Variants in IQCH observed in about 807,000 individuals in gnomAD.
The protein encoded by IQCH is IQ domain-containing protein H.
A neutral mutation model predicts 117.0 loss-of-function variants in IQCH; 98 were observed. The ratio of observed to expected loss-of-function variants is 0.84; its 90% CI spans 0.71 to 0.99. IQCH has a LOEUF of 0.99. Among genes scored for constraint, IQCH ranks in the 50% least tolerant of loss-of-function variants. IQCH has a pLI of 0.00. For missense variants in IQCH, 1,102 were observed against 1,243.8 expected (o/e 0.89, Z 1.72); for synonymous variants, 412 against 448.2 (o/e 0.92, Z 1.02).
At position 67,489,824 on chromosome 15, in the gene IQCH, G is replaced by A. The variant is rs576350988; in HGVS notation, c.2800-179G>A. 2.8e-4 allele frequency among the ~76,000 whole-genome samples: 42 copies of A among 151,664 alleles called. 2 individuals are homozygous for A. In the East Asian group the frequency reaches 7.9e-3, roughly 29 times the overall value. ...ATCATACTCAAAAAGCACAGTTCTA[G>A]AACATATTTACTCCAAATTCTAGAG... is the stretch of plus-strand genomic sequence containing the variant. On this transcript the variant is annotated intron_variant, in intron 18 of 20. Coordinates refer to ENST00000335894, the MANE Select transcript of IQCH (RefSeq NM_001031715.3).
Position 67,369,415 on chromosome 15 carries a change from T to A in IQCH, c.754-2696T>A, listed in dbSNP as rs572437985. On this transcript the variant is annotated intron_variant, in intron 8 of 20. Coordinates refer to ENST00000335894, the MANE Select transcript of IQCH (RefSeq NM_001031715.3). This position sits in a 1 kb window ranked among gnomAD's most constrained non-coding sequence, Gnocchi z 5.2. ...CTTCTTGGCTAGAAGGAAAAAAAAA[T>A]TGCCGTCAAGTCAGTAATATCATAT... is the stretch of plus-strand genomic sequence containing the variant. Among the ~76,000 whole-genome samples the A allele has an allele frequency of 6.7e-6, 1 of 150,120 alleles. No individual in the cohort carries two copies. Among genetic ancestry groups the A allele is most frequent in the South Asian group, 2.1e-4 (1 of 4,728 alleles).
rs1312508525 is a variant in IQCH, at chr15:67,387,530, A to C, written c.1457-1301A>C. Among the ~76,000 whole-genome samples the C allele has an allele frequency of 6.6e-6, 1 of 152,152 alleles. No individual in the cohort carries two copies. The highest frequency in any genetic ancestry group is 1.5e-5 in the Non-Finnish European group (1 of 68,010). The stretch of plus-strand genomic sequence containing the variant: ...AGATTAATAGATTGGAAACAATAGG[A>C]TAGAACCACAGAGAACACTACTTCA... On this transcript the variant is annotated intron_variant, in intron 11 of 20. Transcript: ENST00000335894. The surrounding 1 kb of genome is among the most constrained non-coding windows in gnomAD (Gnocchi z 4.8).
rs1258544120 is a variant in IQCH, at chr15:67,376,104, C to CA, written c.1372+2674dup. 6.6e-6 allele frequency among the ~76,000 whole-genome samples: 1 copy of CA among 152,058 alleles called. No homozygotes were observed. Among genetic ancestry groups the CA allele is most frequent in the Non-Finnish European group, 1.5e-5 (1 of 68,012 alleles). ...ATCCGGCCGTGCTTTGGATTTTATA[C>CA]AAATGACTTGTGAACATTAAATTAA... On this transcript the variant is annotated intron_variant, in intron 10 of 20. Transcript: ENST00000335894. This position sits in a 1 kb window ranked among gnomAD's most constrained non-coding sequence, Gnocchi z 5.0.
In IQCH at chr15:67,344,049, A is replaced by G. The variant is rs1969279973; in HGVS notation, c.509-14A>G. The G allele has an allele frequency of 1.9e-6, 3 of 1,608,234 alleles. No homozygotes were observed. Among genetic ancestry groups the G allele is most frequent in the South Asian group, 1.1e-5 (1 of 90,372 alleles). On this transcript the variant is annotated splice_polypyrimidine_tract_variant and intron_variant, in intron 5 of 20. Coordinates refer to ENST00000335894, the MANE Select transcript of IQCH (RefSeq NM_001031715.3). ...TTGGAATTAAACTCACATTTTATTA[A>G]TGTTTCTTTTTAGGGATTTTAAGTA...
intron 4 of IQCH, among the ~76,000 whole-genome samples, chr15:67,317,289 A>G (rs568757887): frequency 4.6e-4 from 69 of 151,642 alleles, no homozygotes; most frequent in Non-Finnish European, 9.0e-4. Flanking sequence ...TGCAACCTCC[A>G]CCTCCTAGGT....
At chr15:67,337,698 T>C (rs1968957857) in intron 5 of IQCH, among the ~76,000 whole-genome samples, 1 of 152,212 alleles carries the variant, frequency 6.6e-6, no homozygotes, top group African/African-American at 2.4e-5. Context: ...AAATACTGAA[T>C]GTCCTAAGTG....
Position 67,443,711 on chromosome 15 carries a change from A to G in IQCH, c.2506-21416A>G, listed in dbSNP as rs1296244468. On this transcript the variant is annotated intron_variant, in intron 16 of 20. Transcript: ENST00000335894. The surrounding 1 kb of genome is among the most constrained non-coding windows in gnomAD (Gnocchi z 5.0). ...AACATATTTCAAAGTCCAGCTCATC[A>G]TGGATTCCCCCTTAAAGTGCCACTT... Among the ~76,000 whole-genome samples the G allele has an allele frequency of 1.1e-4, 16 of 152,186 alleles. No individual in the cohort carries two copies. Among genetic ancestry groups the G allele is most frequent in the Admixed American group, 1.0e-3 (16 of 15,276 alleles).
chr15:67,394,960 C>G (rs1752579685), intron 12 of IQCH, among the ~76,000 whole-genome samples: 1 of 152,120 alleles, frequency 6.6e-6, no homozygotes, highest in African/African-American at 2.4e-5. Flanking sequence ...TTAAACCATG[C>G]CAGAAGTGTT....
At position 67,426,549 on chromosome 15, in the gene IQCH, A is replaced by C. The variant is rs1165173809; in HGVS notation, c.2505+4972A>C. Among the ~76,000 whole-genome samples the C allele has an allele frequency of 1.3e-5, 2 of 151,526 alleles. No individual in the cohort carries two copies. The highest frequency in any genetic ancestry group is 3.9e-4 in the East Asian group (2 of 5,080). On this transcript the variant is annotated intron_variant, in intron 16 of 20. Transcript: ENST00000335894. This position sits in a 1 kb window ranked among gnomAD's most constrained non-coding sequence, Gnocchi z 5.1. The stretch of plus-strand genomic sequence containing the variant: ...AAATATATATAACTATTACATATCA[A>C]TAAAAAATACCAAAAAAAAACCCAA...
rs1257285243 is a variant in IQCH, at chr15:67,463,718, T to A, written c.2506-1409T>A. On this transcript the variant is annotated intron_variant, in intron 16 of 20. Coordinates refer to ENST00000335894, the MANE Select transcript of IQCH (RefSeq NM_001031715.3). The surrounding 1 kb of genome is among the most constrained non-coding windows in gnomAD (Gnocchi z 4.0). ...CCTTCATGATGCAGCCCTGATTTCA[T>A]TAGACAAACCCAGTCTGTCCTTTCT... is the stretch of plus-strand genomic sequence containing the variant. 6.6e-6 allele frequency among the ~76,000 whole-genome samples: 1 copy of A among 152,274 alleles called. No individual in the cohort carries two copies. Among genetic ancestry groups the A allele is most frequent in the South Asian group, 2.1e-4 (1 of 4,834 alleles).
rs1403292092 is a variant in IQCH at position 67,417,714 on chromosome 15, G to C, written c.2218+663G>C. Among the ~76,000 whole-genome samples the C allele has an allele frequency of 6.6e-6, 1 of 152,092 alleles. No individual in the cohort carries two copies. The highest frequency in any genetic ancestry group is 1.9e-4 in the East Asian group (1 of 5,192). On this transcript the variant is annotated intron_variant, in intron 15 of 20. Transcript: ENST00000335894. This position sits in a 1 kb window ranked among gnomAD's most constrained non-coding sequence, Gnocchi z 4.3. ...TGAATGATGCCTGTCTACCGTCTCA[G>C]AGGTCCCTGTCAGATGTTACACAGA...
chr15:67,362,631 G>A (rs979277002), intron 8 of IQCH, among the ~76,000 whole-genome samples: 38 of 152,140 alleles, frequency 2.5e-4, no homozygotes, highest in African/African-American at 7.7e-4. Flanking sequence ...AAAGGAGATT[G>A]GATCAAATCA....
intron 4 of IQCH, among the ~76,000 whole-genome samples, chr15:67,290,392 A>T (rs998583712): frequency 3.3e-5 from 5 of 152,070 alleles, no homozygotes; most frequent in Admixed American, 6.6e-5. Context: ...TTTTAAGCAA[A>T]AATCTCTGCT....
intron 6 of IQCH, among the ~76,000 whole-genome samples, chr15:67,349,050 G>A (rs1969534398): frequency 6.6e-6 from 1 of 152,152 alleles, no homozygotes. Flanking sequence ...AACTGGACAT[G>A]TATATAAAAG....
At chr15:67,297,532 C>G (rs1966860618) in intron 4 of IQCH, among the ~76,000 whole-genome samples, 1 of 152,148 alleles carries the variant, frequency 6.6e-6, no homozygotes, top group Non-Finnish European at 1.5e-5. Context: ...TCTTCTGATT[C>G]AATGGTTCAG....
rs898882512 is a variant in IQCH, at chr15:67,459,509, C to T, written c.2506-5618C>T. On this transcript the variant is annotated intron_variant, in intron 16 of 20. Transcript: ENST00000335894. The surrounding 1 kb of genome is among the most constrained non-coding windows in gnomAD (Gnocchi z 4.2). ...AGAAGCAGCAGGGGTGAGCAGGCAG[C>T]CTCCATCTGCTGAGAACACCTCAGG... Among the ~76,000 whole-genome samples the T allele has an allele frequency of 1.3e-5, 2 of 152,224 alleles. No homozygotes were observed. The highest frequency in any genetic ancestry group is 2.9e-5 in the Non-Finnish European group (2 of 68,040).
At position 67,373,190 on chromosome 15, in the gene IQCH, G is replaced by A. The variant is rs567553940; in HGVS notation, c.1306-177G>A. Among the ~76,000 whole-genome samples, 3 of 152,236 alleles carry A rather than the reference G, an allele frequency of 2.0e-5. No homozygotes were observed. In the South Asian group the frequency reaches 6.2e-4, roughly 32 times the overall value. On this transcript the variant is annotated intron_variant, in intron 9 of 20. Transcript: ENST00000335894. Reference sequence around the variant, plus strand: ...AGCTGCCTCTAATCTTCCCCTGCCAGTAGCATCATGTAGCCACCTAATTAA... The same window carrying A: ...AGCTGCCTCTAATCTTCCCCTGCCAATAGCATCATGTAGCCACCTAATTAA...
intron 14 of IQCH, among the ~76,000 whole-genome samples, chr15:67,415,121 A>G (rs1471433628): frequency 1.3e-5 from 2 of 152,234 alleles, no homozygotes; most frequent in African/African-American, 4.8e-5. Flanking sequence ...GAGAAGGAAC[A>G]AAGAAGGGGT....
rs1050602901 is a variant in IQCH at position 67,281,956 on chromosome 15, T to C, written c.387+2444T>C. On this transcript the variant is annotated intron_variant, in intron 4 of 20. Transcript: ENST00000335894. Reference sequence around the variant, plus strand: ...TATCTCTGTCCTTGCACTTGTTACATTGGGTCTGTCAGCCACTCTCTGAGG... The same window carrying C: ...TATCTCTGTCCTTGCACTTGTTACACTGGGTCTGTCAGCCACTCTCTGAGG... 1.4e-5 allele frequency: 5 copies of C among 355,862 alleles called. No individual in the cohort carries two copies. The East Asian group carries it at 2.2e-4, about 16-fold the overall frequency. The allele number at this position is 355,862 out of a possible 1,614,324, so 22.0% of individuals were successfully genotyped here.
Sources: gnomAD v4.1 joint callset for allele counts (sites outside exome capture counted in the v4.1 genomes callset) on GRCh38, gnomAD v4.1.1 for gene constraint, Gnocchi (gnomAD v3.1) non-coding constraint, MANE v1.5 for transcripts, NCBI Gene and HGNC (gene_info 2026-07-23, HGNC 2026-07-21) for gene names.